Variants in TENM3 observed in about 807,000 individuals in gnomAD.
TENM3 encodes the protein teneurin-3.
In TENM3, 63 loss-of-function variants were observed where a neutral mutation model predicts 255.1. The ratio of observed to expected loss-of-function variants is 0.25; its 90% CI spans 0.20 to 0.30. TENM3 has a LOEUF of 0.30. Ranked by LOEUF, TENM3 falls within the 10% of genes least tolerant of loss-of-function variation. TENM3 has a pLI of 1.00. For missense variants in TENM3, 2,929 were observed against 3,461.1 expected (o/e 0.85, Z 3.86); for synonymous variants, 1,306 against 1,322.3 (o/e 0.99, Z 0.27).
the TENM3 span, among the ~76,000 whole-genome samples, chr4:181,755,834 T>C: frequency 1.3e-5 from 2 of 152,122 alleles, no homozygotes; most frequent in Admixed American, 1.3e-4. Context: ...ATGAATTCAA[T>C]ACTAGTAGTG....
intron 27 of TENM3, among the ~76,000 whole-genome samples, chr4:182,797,917 C>G (rs1766613843): frequency 6.6e-6 from 1 of 152,210 alleles, no homozygotes; most frequent in Admixed American, 6.5e-5. Flanking sequence ...TGTTTCATAC[C>G]TAATATAAAA....
chr4:182,532,212 A>C (rs553189694), intron 3 of TENM3, among the ~76,000 whole-genome samples: 1 of 152,320 alleles, frequency 6.6e-6, no homozygotes, highest in African/African-American at 2.4e-5. Flanking sequence ...AGACTGTGAA[A>C]TTTGACAAAT....
intron 1 of TENM3, among the ~76,000 whole-genome samples, chr4:182,228,358 A>ATGTGTGTG (rs141968345): frequency 0.017 from 1,833 of 109,070 alleles, 199 homozygotes; most frequent in African/African-American, 0.05. Flanking sequence ...ATGTAATGTA[A>ATGTGTGTG]TGTGTGTGTG....
intron 3 of TENM3, among the ~76,000 whole-genome samples, chr4:182,590,098 T>C (rs547429783): frequency 6.6e-6 from 1 of 152,234 alleles, no homozygotes; most frequent in Admixed American, 6.5e-5. Flanking sequence ...AGAACCATAA[T>C]GATAGTTTAA....
intron 3 of TENM3, among the ~76,000 whole-genome samples, chr4:182,443,686 T>G (rs1175354159): frequency 6.6e-6 from 1 of 152,110 alleles, no homozygotes; most frequent in African/African-American, 2.4e-5. Context: ...TACAGCACAT[T>G]GCTTGACTGC....
At chr4:182,517,005 T>A (rs985799896) in intron 3 of TENM3, among the ~76,000 whole-genome samples, 11 of 151,850 alleles carry the variant, frequency 7.2e-5, no homozygotes, top group African/African-American at 2.4e-4. Context: ...GTATTTCATA[T>A]AAGAAAAAAA....
chr4:182,432,775 G>T (rs1349341380), intron 3 of TENM3, among the ~76,000 whole-genome samples: 1 of 151,930 alleles, frequency 6.6e-6, no homozygotes, highest in Non-Finnish European at 1.5e-5. Flanking sequence ...CCCTACTAAG[G>T]AGCTTGGATG....
intron 2 of TENM3, among the ~76,000 whole-genome samples, chr4:182,338,487 G>T (rs932435376): frequency 2.6e-5 from 4 of 152,192 alleles, no homozygotes; most frequent in Non-Finnish European, 4.4e-5. Context: ...TATTTTGGGG[G>T]AGGGGGAGGC....
the TENM3 span, among the ~76,000 whole-genome samples, chr4:181,831,101 T>A: frequency 6.6e-6 from 1 of 152,200 alleles, no homozygotes; most frequent in Non-Finnish European, 1.5e-5. Context: ...TTAATATAAT[T>A]GACACAGACA....
chr4:181,907,581 C>G, the TENM3 span, among the ~76,000 whole-genome samples: 1 of 151,904 alleles, frequency 6.6e-6, no homozygotes, highest in Admixed American at 6.6e-5. Context: ...AGGGATGAGA[C>G]GTGGAGAAGG....
At chr4:182,262,216 A>C (rs1477191717) in intron 1 of TENM3, among the ~76,000 whole-genome samples, 1 of 152,238 alleles carries the variant, frequency 6.6e-6, no homozygotes, top group Admixed American at 6.5e-5. Context: ...TGAAATTTAA[A>C]AGATGTAATT....
At chr4:181,915,728 G>C in the TENM3 span, among the ~76,000 whole-genome samples, 1 of 151,674 alleles carries the variant, frequency 6.6e-6, no homozygotes, top group Non-Finnish European at 1.5e-5. Flanking sequence ...GAGAGGAGAG[G>C]AGAGGAGAAC....
chr4:182,671,182 T>C (rs1240072519), intron 6 of TENM3, among the ~76,000 whole-genome samples: 1 of 152,144 alleles, frequency 6.6e-6, no homozygotes, highest in Non-Finnish European at 1.5e-5. Context: ...CCTCATGGAA[T>C]CCTTGTAACG....
the TENM3 span, among the ~76,000 whole-genome samples, chr4:181,597,208 A>G: frequency 5.8e-4 from 88 of 152,336 alleles, no homozygotes; most frequent in African/African-American, 2.1e-3. Flanking sequence ...TGTGTTCTTA[A>G]ACAATGAGTA....
At chr4:182,709,392 A>C (rs1486142530) in intron 12 of TENM3, among the ~76,000 whole-genome samples, 4 of 152,190 alleles carry the variant, frequency 2.6e-5, no homozygotes, top group African/African-American at 9.7e-5. Flanking sequence ...TGAAGGAATG[A>C]CTTTTCTCTA....
the TENM3 span, among the ~76,000 whole-genome samples, chr4:181,662,273 T>A: frequency 6.6e-6 from 1 of 152,210 alleles, no homozygotes; most frequent in Non-Finnish European, 1.5e-5. Context: ...TTTCCAGTAT[T>A]TGTATTCAAT....
At chr4:181,863,577 CA>C in the TENM3 span, among the ~76,000 whole-genome samples, 1 of 152,094 alleles carries the variant, frequency 6.6e-6, no homozygotes, top group Admixed American at 6.6e-5. Flanking sequence ...AATATACAAA[CA>C]AGTGAGTTAC....
the TENM3 span, among the ~76,000 whole-genome samples, chr4:182,057,354 A>G: frequency 6.6e-6 from 1 of 151,376 alleles, no homozygotes; most frequent in Non-Finnish European, 1.5e-5. Flanking sequence ...AAGAAGTTAT[A>G]TCCACTTAGA....
chr4:182,185,778 G>C (rs2149761564), intron 1 of TENM3, among the ~76,000 whole-genome samples: 1 of 152,290 alleles, frequency 6.6e-6, no homozygotes, highest in East Asian at 1.9e-4. Flanking sequence ...CTGTTGAATC[G>C]ATTCACTGAG....
Sources: gnomAD v4.1 joint callset for allele counts (sites outside exome capture counted in the v4.1 genomes callset) on GRCh38, gnomAD v4.1.1 for gene constraint, MANE v1.5 for transcripts, NCBI Gene and HGNC (gene_info 2026-07-23, HGNC 2026-07-21) for gene names.